Variants in PRKCA observed in about 807,000 individuals in gnomAD.
PRKCA encodes protein kinase C alpha.
A neutral mutation model predicts 87.0 loss-of-function variants in PRKCA; 27 were observed. The ratio of observed to expected loss-of-function variants is 0.31; its 90% CI spans 0.23 to 0.43. PRKCA has a LOEUF of 0.43. Ranked by LOEUF, PRKCA falls within the 20% of genes least tolerant of loss-of-function variation. The pLI, the probability that PRKCA is intolerant of heterozygous loss-of-function variation, is 1.00. For missense variants in PRKCA, 518 were observed against 852.3 expected, an observed-to-expected ratio of 0.61 and a Z score of 4.88; for synonymous variants, 329 against 311.1, an observed-to-expected ratio of 1.06 and a Z score of -0.61.
intron 3 of PRKCA, among the ~76,000 whole-genome samples, chr17:66,609,302 GCTACTA>G (rs1373377669): frequency 1.3e-5 from 2 of 152,126 alleles, no homozygotes; most frequent in African/African-American, 4.8e-5. Context: ...AGGTTACGGG[GCTACTA>G]CTTTGCCGCT....
chr17:66,319,035 G>T (rs550090354), intron 2 of PRKCA, among the ~76,000 whole-genome samples: 39 of 152,212 alleles, frequency 2.6e-4, no homozygotes, highest in African/African-American at 9.4e-4. Flanking sequence ...CTTTGGAAGT[G>T]GGAAGATTGC....
intron 3 of PRKCA, among the ~76,000 whole-genome samples, chr17:66,535,846 C>G (rs1230502067): frequency 1.3e-5 from 2 of 152,218 alleles, no homozygotes; most frequent in Admixed American, 6.5e-5. Flanking sequence ...GTTGTATCAT[C>G]TAAGCCAGAC....
intron 13 of PRKCA, among the ~76,000 whole-genome samples, chr17:66,757,768 A>G (rs1449370223): frequency 6.6e-6 from 1 of 152,126 alleles, no homozygotes. Context: ...TCTGTCCCCC[A>G]GGCTGGAGTG....
chr17:66,572,956 C>T (rs1191933443), intron 3 of PRKCA, among the ~76,000 whole-genome samples: 1 of 151,992 alleles, frequency 6.6e-6, no homozygotes, highest in Non-Finnish European at 1.5e-5. Context: ...TACTTTCAAA[C>T]CTGAAGAATT....
At chr17:66,709,763 A>G (rs375790536) in intron 8 of PRKCA, among the ~76,000 whole-genome samples, 1 of 152,012 alleles carries the variant, frequency 6.6e-6, no homozygotes, top group Admixed American at 6.6e-5. Flanking sequence ...CATTCAGTCA[A>G]CTGGAGCTTG....
At chr17:66,794,058 G>T (rs146090091) in intron 16 of PRKCA, among the ~76,000 whole-genome samples, 1 of 152,194 alleles carries the variant, frequency 6.6e-6, no homozygotes, top group Non-Finnish European at 1.5e-5. Flanking sequence ...GAGCAGAATA[G>T]CTAGTTCATA....
intron 3 of PRKCA, among the ~76,000 whole-genome samples, chr17:66,591,136 G>C (rs1725389641): frequency 6.6e-6 from 1 of 152,054 alleles, no homozygotes; most frequent in South Asian, 2.1e-4. Flanking sequence ...TATTATTGTT[G>C]TTGTTGTTTA....
intron 5 of PRKCA, among the ~76,000 whole-genome samples, chr17:66,669,244 G>A (rs1160120871): frequency 6.6e-6 from 1 of 152,048 alleles, no homozygotes; most frequent in East Asian, 1.9e-4. Flanking sequence ...GAAAGGAAGT[G>A]GACAAGTAAA....
At chr17:66,600,996 T>A (rs1970047397) in intron 3 of PRKCA, among the ~76,000 whole-genome samples, 1 of 36,240 alleles carries the variant, frequency 2.8e-5, no homozygotes, top group African/African-American at 1.7e-4. Context: ...AACCCGACCT[T>A]TCTCTCTGGC....
intron 14 of PRKCA, among the ~76,000 whole-genome samples, chr17:66,776,329 T>G (rs1348000367): frequency 6.6e-6 from 1 of 152,132 alleles, no homozygotes; most frequent in African/African-American, 2.4e-5. Flanking sequence ...GTTTTGTTTT[T>G]GAGATGGAGT....
At chr17:66,379,617 C>G (rs1232919820) in intron 2 of PRKCA, among the ~76,000 whole-genome samples, 1 of 152,130 alleles carries the variant, frequency 6.6e-6, no homozygotes, top group Non-Finnish European at 1.5e-5. Context: ...AAATTTTATA[C>G]CAGGCTGCAC....
intron 2 of PRKCA, among the ~76,000 whole-genome samples, chr17:66,444,710 T>G (rs937406799): frequency 2.0e-5 from 3 of 152,304 alleles, no homozygotes; most frequent in Middle Eastern, 3.4e-3. Context: ...GGGAGAATCT[T>G]CCCCTCGTTG....
intron 3 of PRKCA, among the ~76,000 whole-genome samples, chr17:66,503,161 C>T (rs1916820884): frequency 6.6e-6 from 1 of 152,132 alleles, no homozygotes; most frequent in Non-Finnish European, 1.5e-5. Context: ...CTTCAAGCGT[C>T]TGGAGGTAGT....
chr17:66,547,968 A>G (rs1389838465), intron 3 of PRKCA, among the ~76,000 whole-genome samples: 1 of 152,184 alleles, frequency 6.6e-6, no homozygotes, highest in Non-Finnish European at 1.5e-5. Flanking sequence ...GGTTTGCAAA[A>G]CATGCTGCTC....
At chr17:66,713,698 A>C (rs1458748700) in intron 8 of PRKCA, among the ~76,000 whole-genome samples, 1 of 152,032 alleles carries the variant, frequency 6.6e-6, no homozygotes, top group Non-Finnish European at 1.5e-5. Context: ...GCTCGCTCAC[A>C]CCTCTCTTCA....
chr17:66,770,576 CT>C (rs1000094900), intron 13 of PRKCA, among the ~76,000 whole-genome samples: 6 of 152,370 alleles, frequency 3.9e-5, no homozygotes, highest in African/African-American at 1.4e-4. Flanking sequence ...GCAATGCCCC[CT>C]GACTGGCCCC....
intron 10 of PRKCA, among the ~76,000 whole-genome samples, chr17:66,738,132 C>T (rs1467994249): frequency 3.9e-5 from 6 of 152,180 alleles, no homozygotes; most frequent in African/African-American, 1.4e-4. Context: ...CATCATGGGG[C>T]CAACACTTAG....
chr17:66,775,266 G>C lies in PRKCA; in HGVS notation c.1605+1199G>C, dbSNP rs564561899. The C allele has an allele frequency of 1.5e-5, 15 of 985,096 alleles. No homozygotes were observed. The African/African-American group carries it at 2.6e-4, about 17-fold the overall frequency. 61.0% of individuals were successfully genotyped at this position (985,096 alleles called of 1,614,324 possible). A position where few individuals can be genotyped will look rare whatever the true frequency, so the allele number is the denominator to read the frequency against. On this transcript the variant is annotated intron_variant, in intron 14 of 16. Coordinates refer to ENST00000413366, the MANE Select transcript of PRKCA (RefSeq NM_002737.3). ...TCATTCAAGGACACAGGTTTCTCCT[G>C]TCCGTCAGCCCTACTACCTTTTAGG...
chr17:66,541,629 G>A (rs890637380), intron 3 of PRKCA, among the ~76,000 whole-genome samples: 31 of 152,344 alleles, frequency 2.0e-4, no homozygotes, highest in African/African-American at 5.8e-4. Context: ...TCCAGTCCAC[G>A]CCTCATGGCA....
Sources: allele counts gnomAD v4.1 joint callset (sites outside exome capture counted in the v4.1 genomes callset), GRCh38; gene constraint gnomAD v4.1.1; transcripts MANE v1.5; gene names NCBI Gene and HGNC (gene_info 2026-07-23, HGNC 2026-07-21).